Variants in FUT9 observed in about 807,000 individuals in gnomAD.
FUT9 encodes fucosyltransferase 9.
FUT9 carries 15 observed loss-of-function variants against 29.7 expected under a neutral mutation model. That is an observed-to-expected ratio of 0.51 (90% CI 0.34 to 0.78). FUT9 has a LOEUF of 0.78. Among genes scored for constraint, FUT9 ranks in the 30% least tolerant of loss-of-function variants. The pLI, the probability that FUT9 is intolerant of heterozygous loss-of-function variation, is 0.01. For missense variants in FUT9, 319 were observed against 425.4 expected (o/e 0.75, Z 2.20); for synonymous variants, 169 against 153.7 (o/e 1.10, Z -0.74).
intron 1 of FUT9, among the ~76,000 whole-genome samples, chr6:96,026,242 G>A (rs2127924031): frequency 6.6e-6 from 1 of 151,828 alleles, no homozygotes; most frequent in South Asian, 2.1e-4. Context: ...CTTCTTATCT[G>A]TGGTATGATA....
chr6:96,143,301 C>T (rs1438812755), intron 2 of FUT9, among the ~76,000 whole-genome samples: 1 of 152,156 alleles, frequency 6.6e-6, no homozygotes, highest in Non-Finnish European at 1.5e-5. Context: ...TTGGACTTCC[C>T]TGCTTCCAAA....
intron 1 of FUT9, among the ~76,000 whole-genome samples, chr6:96,021,437 G>A (rs1770067747): frequency 6.6e-6 from 1 of 151,868 alleles, no homozygotes; most frequent in Non-Finnish European, 1.5e-5. Context: ...AAGTAAGTAG[G>A]AAATGCTTAC....
chr6:96,018,070 T>C (rs544747490), intron 1 of FUT9, among the ~76,000 whole-genome samples: 1 of 152,200 alleles, frequency 6.6e-6, no homozygotes, highest in Non-Finnish European at 1.5e-5. Context: ...TAAATGTGGA[T>C]AGCCGCATTA....
intron 1 of FUT9, among the ~76,000 whole-genome samples, chr6:96,086,193 C>G (rs1319335338): frequency 6.6e-6 from 1 of 152,190 alleles, no homozygotes; most frequent in African/African-American, 2.4e-5. Flanking sequence ...ATGTACCTGT[C>G]TACACACTTT....
intron 2 of FUT9, among the ~76,000 whole-genome samples, chr6:96,136,649 T>C (rs1227641268): frequency 6.6e-6 from 1 of 151,986 alleles, no homozygotes; most frequent in Non-Finnish European, 1.5e-5. Flanking sequence ...TGCTTAGGAA[T>C]ATCTTCTTCA....
chr6:96,076,891 A>C (rs771221421), intron 1 of FUT9, among the ~76,000 whole-genome samples: 34 of 152,220 alleles, frequency 2.2e-4, no homozygotes, highest in Non-Finnish European at 4.4e-4. Flanking sequence ...CAGATAAACA[A>C]ATAGACTGTA....
At chr6:96,016,803 G>T (rs192500382) in intron 1 of FUT9, among the ~76,000 whole-genome samples, 9 of 152,252 alleles carry the variant, frequency 5.9e-5, no homozygotes, top group Non-Finnish European at 8.8e-5. Context: ...ACACAGACAC[G>T]CTGTGATCCT....
intron 2 of FUT9, among the ~76,000 whole-genome samples, chr6:96,119,990 A>G (rs1394641829): frequency 6.6e-6 from 1 of 152,198 alleles, no homozygotes; most frequent in Non-Finnish European, 1.5e-5. Context: ...TAGGTATAGG[A>G]GGCAAATGCA....
chr6:96,158,909 G>A (rs1443873911), intron 2 of FUT9, among the ~76,000 whole-genome samples: 1 of 151,920 alleles, frequency 6.6e-6, no homozygotes, highest in African/African-American at 2.4e-5. Flanking sequence ...TGGGATTGAT[G>A]TTGATCAATG....
chr6:96,119,258 T>C (rs979663682), intron 2 of FUT9, among the ~76,000 whole-genome samples: 2 of 152,208 alleles, frequency 1.3e-5, no homozygotes, highest in Non-Finnish European at 2.9e-5. Context: ...TACGATTTTT[T>C]ATCTTGTATA....
chr6:96,105,097 A>G (rs1163798149), intron 1 of FUT9, among the ~76,000 whole-genome samples: 1 of 152,240 alleles, frequency 6.6e-6, no homozygotes, highest in Non-Finnish European at 1.5e-5. Flanking sequence ...ACTTTTATTT[A>G]GGCTATTAAA....
chr6:96,114,972 C>T (rs181469982), intron 2 of FUT9, among the ~76,000 whole-genome samples: 4 of 152,248 alleles, frequency 2.6e-5, no homozygotes, highest in South Asian at 4.1e-4. Flanking sequence ...GACCTAGAAT[C>T]GCTTCTCAAG....
At chr6:96,202,678 CA>C (rs1441710193) in intron 2 of FUT9, among the ~76,000 whole-genome samples, 2 of 152,012 alleles carry the variant, frequency 1.3e-5, no homozygotes, top group East Asian at 3.9e-4. Flanking sequence ...TTTTTAAAAA[CA>C]GTTTAGTTTT....
chr6:96,211,499 A>C lies in FUT9; in HGVS notation c.*7264A>C, dbSNP rs1337964873. 1 of 166,832 alleles carries C rather than the reference A, an allele frequency of 6.0e-6. No individual in the cohort carries two copies. The highest frequency in any genetic ancestry group is 1.5e-5 in the Non-Finnish European group (1 of 67,980). The allele number at this position is 166,832 out of a possible 1,614,324, so 10.3% of individuals were successfully genotyped here. On this transcript the variant is annotated 3_prime_UTR_variant, in exon 3 of 3. Coordinates refer to ENST00000302103, the MANE Select transcript of FUT9 (RefSeq NM_006581.4). ...AGGACTAGTTAATGATTTGTTAGGA[A>C]GTCTCCATCTACTCTTAAACTAATT...
rs114580525 is a variant in FUT9 at position 96,093,847 on chromosome 6, T to C, written c.-97-20192T>C. On this transcript the variant is annotated intron_variant, in intron 1 of 2. Coordinates refer to ENST00000302103, the MANE Select transcript of FUT9 (RefSeq NM_006581.4). Reference sequence around the variant, plus strand: ...TACTGTTACAATGTTTACAAATGAATAAATTAAGGGACAGAGGAGTTGAAA... The same window carrying C: ...TACTGTTACAATGTTTACAAATGAACAAATTAAGGGACAGAGGAGTTGAAA... Among the ~76,000 whole-genome samples the C allele has an allele frequency of 6.0e-3, 907 of 152,216 alleles. 14 individuals are homozygous for C. The highest frequency in any genetic ancestry group is 0.021 in the African/African-American group (867 of 41,546).
chr6:96,137,855 T>C (rs1487391654), intron 2 of FUT9, among the ~76,000 whole-genome samples: 1 of 152,114 alleles, frequency 6.6e-6, no homozygotes, highest in African/African-American at 2.4e-5. Flanking sequence ...AACAACTTTC[T>C]CTACTCTCTC....
intron 2 of FUT9, among the ~76,000 whole-genome samples, chr6:96,163,908 C>T (rs180934502): frequency 3.9e-5 from 6 of 152,276 alleles, no homozygotes; most frequent in Admixed American, 3.3e-4. Context: ...GTACCTGAGA[C>T]AAATCTCGAT....
At chr6:96,097,411 A>G (rs1038955813) in intron 1 of FUT9, among the ~76,000 whole-genome samples, 5 of 152,038 alleles carry the variant, frequency 3.3e-5, no homozygotes, top group Non-Finnish European at 7.3e-5. Context: ...CACCATGGAA[A>G]TTAGCAAACA....
chr6:96,036,099 A>G (rs1450274834), intron 1 of FUT9, among the ~76,000 whole-genome samples: 1 of 144,138 alleles, frequency 6.9e-6, no homozygotes, highest in Non-Finnish European at 1.5e-5. Context: ...ATAATATAAT[A>G]TTTAATAATA....
Sources: gnomAD v4.1 joint callset for allele counts (sites outside exome capture counted in the v4.1 genomes callset) on GRCh38, gnomAD v4.1.1 for gene constraint, MANE v1.5 for transcripts, NCBI Gene and HGNC (gene_info 2026-07-23, HGNC 2026-07-21) for gene names.